CNTN4: variants seen among roughly 807,000 people sequenced by gnomAD.
CNTN4 encodes contactin 4.
Under a neutral mutation model 122.5 loss-of-function variants are expected in CNTN4, and 77 were observed. The ratio of observed to expected loss-of-function variants is 0.63; its 90% CI spans 0.52 to 0.76. The LOEUF (loss-of-function observed/expected upper bound fraction) is 0.76. Among genes scored for constraint, CNTN4 ranks in the 30% least tolerant of loss-of-function variants. CNTN4 has a pLI of 0.00. For synonymous variants in CNTN4, 512 were observed against 447.0 expected, an observed-to-expected ratio of 1.15 and a Z score of -1.83; for missense variants, 1,256 against 1,259.1, an observed-to-expected ratio of 1.00 and a Z score of 0.04.
chr3:2,619,899 A>C (rs2149912885), intron 4 of CNTN4, among the ~76,000 whole-genome samples: 1 of 152,288 alleles, frequency 6.6e-6, no homozygotes, highest in African/African-American at 2.4e-5. Context: ...TCATGACTTT[A>C]ACCCTTTTCA....
intron 13 of CNTN4, among the ~76,000 whole-genome samples, chr3:2,931,296 G>C (rs752767777): frequency 1.3e-5 from 2 of 152,148 alleles, no homozygotes; most frequent in Non-Finnish European, 2.9e-5. Flanking sequence ...ATTGAAAAAA[G>C]GAGGAGGAAA....
At position 3,056,059 on chromosome 3, in the gene CNTN4, C is replaced by G. The variant is rs920548178; in HGVS notation, c.2981-61C>G. On this transcript the variant is annotated intron_variant, in intron 24 of 24. Coordinates refer to ENST00000418658, the MANE Select transcript of CNTN4 (RefSeq NM_175607.3). ...TCTGCTGTTTCAAAAAGCCCCGTGG[C>G]CCCTCTTCCCTTTGAAGCCGGGATG... 8 of 1,286,682 alleles carry G rather than the reference C, an allele frequency of 6.2e-6. No homozygotes were observed. In the African/African-American group the frequency reaches 1.2e-4, roughly 19 times the overall value. 79.7% of individuals were successfully genotyped at this position (1,286,682 alleles called of 1,614,324 possible). A position where few individuals can be genotyped will look rare whatever the true frequency, so the allele number is the denominator to read the frequency against.
intron 4 of CNTN4, among the ~76,000 whole-genome samples, chr3:2,601,788 A>G (rs560293646): frequency 3.3e-5 from 5 of 152,302 alleles, no homozygotes; most frequent in South Asian, 2.1e-4. Context: ...AGACACAACA[A>G]AAAAAGAGAA....
rs73807922 is a variant in CNTN4 at position 2,768,959 on chromosome 3, A to T, written c.358+23262A>T. 3.9e-3 allele frequency among the ~76,000 whole-genome samples: 595 copies of T among 152,256 alleles called. 7 individuals carry two copies. The highest frequency in any genetic ancestry group is 0.014 in the African/African-American group (578 of 41,550). ...CCGAGGATCAAAACCCAGACTTTTG[A>T]CTTCAAGTCTTGAAGTCTTTTCATT... On this transcript the variant is annotated intron_variant, in intron 6 of 24. Transcript: ENST00000418658.
intron 6 of CNTN4, among the ~76,000 whole-genome samples, chr3:2,758,890 A>T (rs2149673995): frequency 6.6e-6 from 1 of 152,214 alleles, no homozygotes; most frequent in East Asian, 1.9e-4. Flanking sequence ...CAATTCAGTG[A>T]TGTTTAGTTT....
At chr3:2,307,233 A>G (rs149107558) in intron 2 of CNTN4, among the ~76,000 whole-genome samples, 2,689 of 152,276 alleles carry the variant, frequency 0.018, 83 homozygotes, top group African/African-American at 0.062. Context: ...CAGGAGATGA[A>G]GACCATCCTG....
Position 2,736,357 on chromosome 3 carries a change from A to C in CNTN4, c.182+16A>C. 6.2e-7 allele frequency: 1 copy of C among 1,611,970 alleles called. No homozygotes were observed. The highest frequency in any genetic ancestry group is 8.5e-7 in the Non-Finnish European group (1 of 1,178,462). On this transcript the variant is annotated intron_variant, in intron 5 of 24. Transcript: ENST00000418658. Reference sequence around the variant, plus strand: ...CTCATATCAGGTTTGTTGATGTAAAAGCATGTGTTTCCATGCATATAGTTT... The same window carrying C: ...CTCATATCAGGTTTGTTGATGTAAACGCATGTGTTTCCATGCATATAGTTT...
intron 3 of CNTN4, among the ~76,000 whole-genome samples, chr3:2,531,309 C>T (rs13089709): frequency 0.12 from 18,528 of 152,058 alleles, 1,355 homozygotes; most frequent in Non-Finnish European, 0.17. Flanking sequence ...GGAGCTTGGG[C>T]GGGTAGGCCT....
intron 4 of CNTN4, among the ~76,000 whole-genome samples, chr3:2,593,370 T>G (rs2080595429): frequency 6.6e-6 from 1 of 152,160 alleles, no homozygotes; most frequent in Non-Finnish European, 1.5e-5. Context: ...CCTTCGCAAT[T>G]ATCGGATAGG....
At chr3:2,719,699 C>T (rs1482500732) in intron 4 of CNTN4, among the ~76,000 whole-genome samples, 1 of 152,136 alleles carries the variant, frequency 6.6e-6, no homozygotes, top group Non-Finnish European at 1.5e-5. Context: ...GCTAGGATTA[C>T]AGGCGTGAGC....
At chr3:3,037,603 T>C (rs972915092) in intron 18 of CNTN4, 1 of 453,182 alleles carries the variant, frequency 2.2e-6, no homozygotes, top group Non-Finnish European at 4.1e-6. Flanking sequence ...CTTCATTGGT[T>C]CATTTGTCAC....
At chr3:2,234,582 TGA>T (rs1302254134) in intron 2 of CNTN4, among the ~76,000 whole-genome samples, 1 of 152,158 alleles carries the variant, frequency 6.6e-6, no homozygotes, top group Non-Finnish European at 1.5e-5. Flanking sequence ...TGCCCTTTTA[TGA>T]AACTAGCAGG....
rs140392483 is a variant in CNTN4, at chr3:2,587,925, C to G, written c.55+16367C>G. Among the ~76,000 whole-genome samples the G allele has an allele frequency of 1.5e-3, 226 of 152,170 alleles. 1 individual carries two copies. The highest frequency in any genetic ancestry group is 5.3e-3 in the African/African-American group (220 of 41,510). On this transcript the variant is annotated intron_variant, in intron 4 of 24. Coordinates refer to ENST00000418658, the MANE Select transcript of CNTN4 (RefSeq NM_175607.3). ...TGACTTTGATCAAATCACTCTGCCTCTCAGGATTTCAGACTCTGCACAAGT... is the reference window on the plus strand; with the variant it reads ...TGACTTTGATCAAATCACTCTGCCTGTCAGGATTTCAGACTCTGCACAAGT...
chr3:2,359,660 CT>C (rs939975341), intron 3 of CNTN4, among the ~76,000 whole-genome samples: 6 of 152,120 alleles, frequency 3.9e-5, no homozygotes, highest in African/African-American at 1.2e-4. Flanking sequence ...CTGACTCAGC[CT>C]CCAGAGTAGT....
At chr3:2,916,826 G>GGT (rs2094365430) in intron 12 of CNTN4, among the ~76,000 whole-genome samples, 2 of 150,760 alleles carry the variant, frequency 1.3e-5, no homozygotes, top group Non-Finnish European at 2.9e-5. Flanking sequence ...GGGTGGAGAC[G>GGT]CTCCTCAGTT....
At chr3:2,733,704 T>C (rs1220535724) in intron 4 of CNTN4, among the ~76,000 whole-genome samples, 1 of 151,918 alleles carries the variant, frequency 6.6e-6, no homozygotes, top group Non-Finnish European at 1.5e-5. Context: ...CGGCTAATTT[T>C]TTTGAATTTT....
At chr3:2,540,077 G>T (rs2077972857) in intron 3 of CNTN4, among the ~76,000 whole-genome samples, 1 of 151,818 alleles carries the variant, frequency 6.6e-6, no homozygotes, top group African/African-American at 2.4e-5. Flanking sequence ...TGTTGTGTGT[G>T]TGTGTGTGTG....
At chr3:3,009,527 G>A (rs1361122312) in intron 14 of CNTN4, among the ~76,000 whole-genome samples, 3 of 150,864 alleles carry the variant, frequency 2.0e-5, no homozygotes, top group Non-Finnish European at 3.0e-5. Context: ...TCCGCCCCCC[G>A]GGTTCCCGCC....
chr3:2,301,930 C>T (rs1410300843), intron 2 of CNTN4, among the ~76,000 whole-genome samples: 1 of 152,192 alleles, frequency 6.6e-6, no homozygotes, highest in Admixed American at 6.5e-5. Flanking sequence ...AGCATATAGC[C>T]TGAAAGTCTG....
Sources: allele counts gnomAD v4.1 joint callset (sites outside exome capture counted in the v4.1 genomes callset), GRCh38; gene constraint gnomAD v4.1.1; transcripts MANE v1.5; gene names NCBI Gene and HGNC (gene_info 2026-07-23, HGNC 2026-07-21).